The following ZNF287 variants were observed in gnomAD, a reference collection of about 807,000 sequenced individuals.
ZNF287 encodes the protein zinc finger protein 287.
A neutral mutation model predicts 73.7 loss-of-function variants in ZNF287; 31 were observed. That is an observed-to-expected ratio of 0.42 (90% CI 0.32 to 0.57). The LOEUF (loss-of-function observed/expected upper bound fraction) is 0.57, where lower values mean the gene tolerates loss of function less well. ZNF287 is among the 20% of genes least tolerant of loss of function. ZNF287 has a pLI of 0.13. For synonymous variants in ZNF287, 301 were observed against 307.2 expected, an observed-to-expected ratio of 0.98 and a Z score of 0.21; for missense variants, 641 against 909.3, an observed-to-expected ratio of 0.70 and a Z score of 3.79.
intron 5 of ZNF287, among the ~76,000 whole-genome samples, chr17:16,561,094 T>A (rs1156990507): frequency 6.6e-6 from 1 of 151,992 alleles, no homozygotes; most frequent in Non-Finnish European, 1.5e-5. Flanking sequence ...GGCGGGTGGA[T>A]CACCTGAGGT....
intron 5 of ZNF287, chr17:16,557,877 T>C (rs973771255): frequency 5.9e-5 from 9 of 152,204 alleles, no homozygotes; most frequent in African/African-American, 1.9e-4. Flanking sequence ...AAAGGAACTG[T>C]CTTTCTCAGT....
At chr17:16,557,327 G>A (rs1163925904) in intron 5 of ZNF287, among the ~76,000 whole-genome samples, 1 of 152,102 alleles carries the variant, frequency 6.6e-6, no homozygotes, top group Non-Finnish European at 1.5e-5. Flanking sequence ...GTTGACTCAG[G>A]TAATCAAGGA....
chr17:16,552,370 G>A lies in ZNF287; in HGVS notation c.1772C>T (p.Ser591Phe). The A allele has an allele frequency of 6.2e-7, 1 of 1,614,052 alleles. No homozygotes were observed. The highest frequency in any genetic ancestry group is 1.7e-5 in the Admixed American group (1 of 60,024). The change falls in exon 6 of 6, where the codon TCC (serine) becomes TTC (phenylalanine). Residue 591 changes from serine (S) to phenylalanine (F), a missense_variant. Physicochemically the swap from Ser to Phe is radical, Grantham distance 155 (BLOSUM62 -2). Transcript: ENST00000395825. This position sits in a 1 kb window ranked among gnomAD's most constrained non-coding sequence, Gnocchi z 6.5. Reference sequence around the variant, plus strand: ...TTTCCCACATATATTACATATATAGGATTTCTCTCCAGTGTGAGTGGTTTG... The same window carrying A: ...TTTCCCACATATATTACATATATAGAATTTCTCTCCAGTGTGAGTGGTTTG... The part of the protein sequence containing the change: ...QHQTTHTGEK[S>F]YICNICGKAF...
chr17:16,568,663 G>A (rs1907894912), intron 1 of ZNF287: 3 of 152,376 alleles, frequency 2.0e-5, no homozygotes, highest in Admixed American at 2.0e-4. Context: ...AAAGACAACT[G>A]TTTACAAGGC....
At chr17:16,557,730 G>A (rs562715284) in intron 5 of ZNF287, among the ~76,000 whole-genome samples, 27 of 152,222 alleles carry the variant, frequency 1.8e-4, no homozygotes, top group African/African-American at 6.5e-4. Flanking sequence ...GGGACTCTGG[G>A]GCTAGAAGAC....
rs928437930 is a variant in ZNF287 at position 16,564,374 on chromosome 17, A to AT, written c.502-550dup. Among the ~76,000 whole-genome samples, 36 of 151,270 alleles carry AT rather than the reference A, an allele frequency of 2.4e-4. 1 individual carries two copies. The highest frequency in any genetic ancestry group is 7.8e-4 in the African/African-American group (32 of 41,240). ...CACCACCACATCTGGCTAATTTTTA[A>AT]TTTTTTTTTGTAGAGATGGGGTTTT... On this transcript the variant is annotated intron_variant, in intron 3 of 5. Coordinates refer to ENST00000395825, the MANE Select transcript of ZNF287 (RefSeq NM_020653.4).
rs1906723859 is a variant in ZNF287 at position 16,552,278 on chromosome 17, A to G, written c.1864T>C (p.Cys622Arg). ...RTHTGEKPYKCSVCGKAFSQS... is the reference protein window; with the variant it reads ...RTHTGEKPYKRSVCGKAFSQS... The stretch of plus-strand genomic sequence containing the variant: ...CTGAATGCTTTCCCACACACACTGC[A>G]TTTATATGGTTTCTCTCCAGTATGT... The change falls in exon 6 of 6, where the codon TGC becomes CGC. Residue 622 changes from cysteine to arginine, a missense_variant. Coordinates refer to ENST00000395825, the MANE Select transcript of ZNF287 (RefSeq NM_020653.4). This position sits in a 1 kb window ranked among gnomAD's most constrained non-coding sequence, Gnocchi z 6.5. The G allele has an allele frequency of 2.5e-6, 4 of 1,614,010 alleles. No individual in the cohort carries two copies. The highest frequency in any genetic ancestry group is 1.7e-6 in the Non-Finnish European group (2 of 1,179,994).
intron 3 of ZNF287, 147 bp downstream of exon 3, chr17:16,566,378 T>C (rs1206028790): frequency 1.7e-6 from 1 of 580,654 alleles, no homozygotes; most frequent in East Asian, 3.0e-5. Context: ...TTCACCTACC[T>C]TAACAGACCA....
chr17:16,565,728 T>C (rs1408796783), intron 3 of ZNF287, among the ~76,000 whole-genome samples: 1 of 152,178 alleles, frequency 6.6e-6, no homozygotes, highest in African/African-American at 2.4e-5. Flanking sequence ...GGCTCACACA[T>C]GTAATCCCAG....
rs1031540399 is a variant in ZNF287 at position 16,549,922 on chromosome 17, C to T, written c.*1934G>A. ...TTTTTCGTTATACCAATTTTCACTC[C>T]ATGCCAGTCAATTCTACTTTATTAC... On this transcript the variant is annotated 3_prime_UTR_variant, in exon 6 of 6. Transcript: ENST00000395825. 1.3e-5 allele frequency among the ~76,000 whole-genome samples: 2 copies of T among 152,120 alleles called. No homozygotes were observed. Among genetic ancestry groups the T allele is most frequent in the African/African-American group, 4.8e-5 (2 of 41,428 alleles).
chr17:16,561,741 A>G (rs1400869993), intron 5 of ZNF287, among the ~76,000 whole-genome samples: 1 of 152,178 alleles, frequency 6.6e-6, no homozygotes, highest in African/African-American at 2.4e-5. Flanking sequence ...AAAAGAAAAA[A>G]GGCTGGGCAA....
rs1907540628 is a variant in ZNF287 at position 16,563,080 on chromosome 17, T to C, written c.715+66A>G. ...GTGACCTGGTCATATTTAAAATGCA[T>C]TTCTCACCACATTTAGGATATAGAT... On this transcript the variant is annotated intron_variant, in intron 5 of 5. Coordinates refer to ENST00000395825, the MANE Select transcript of ZNF287 (RefSeq NM_020653.4). 3 of 1,294,642 alleles carry C rather than the reference T, an allele frequency of 2.3e-6. No homozygotes were observed. In the South Asian group the frequency reaches 3.8e-5, roughly 16 times the overall value. 80.2% of individuals were successfully genotyped at this position (1,294,642 alleles called of 1,614,324 possible).
At chr17:16,566,741 A>G in intron 2 of ZNF287, 119 bp from the exon 3 acceptor site, 1 of 622,070 alleles carries the variant, frequency 1.6e-6, no homozygotes, top group South Asian at 2.8e-5. Flanking sequence ...AATCAAAAAC[A>G]GCACTCCTAC....
intron 5 of ZNF287, among the ~76,000 whole-genome samples, chr17:16,554,325 C>T (rs1439065550): frequency 6.6e-6 from 1 of 151,982 alleles, no homozygotes; most frequent in Non-Finnish European, 1.5e-5. Context: ...AGGCAGGAAC[C>T]ACCATGCCCA....
Position 16,548,087 on chromosome 17 carries a change from A to G in ZNF287, c.*3769T>C, listed in dbSNP as rs1380146839. Reference sequence around the variant, plus strand: ...ACAAGTGTAGAGTGATAGAATTAGAAAATTGTCATTTTGCAAACATTGATG... The same window carrying G: ...ACAAGTGTAGAGTGATAGAATTAGAGAATTGTCATTTTGCAAACATTGATG... On this transcript the variant is annotated 3_prime_UTR_variant, in exon 6 of 6. Transcript: ENST00000395825. 6.6e-6 allele frequency among the ~76,000 whole-genome samples: 1 copy of G among 152,218 alleles called. No individual in the cohort carries two copies. Among genetic ancestry groups the G allele is most frequent in the Non-Finnish European group, 1.5e-5 (1 of 68,044 alleles).
At chr17:16,566,045 T>A (rs1183780196) in intron 3 of ZNF287, among the ~76,000 whole-genome samples, 1 of 152,192 alleles carries the variant, frequency 6.6e-6, no homozygotes, top group Non-Finnish European at 1.5e-5. Context: ...GGCCTTTAAC[T>A]ACTTGTTAAT....
At position 16,563,732 on chromosome 17, in the gene ZNF287, T is replaced by C; in HGVS notation, c.595A>G (p.Thr199Ala). The stretch of plus-strand genomic sequence containing the variant: ...ACCATGTTCCAATAGTTCTGTAACG[T>C]CACAGTCTTGTATAATTCCTTCTGC... ...PVQKELYKTV[T>A]LQNYWNMVSL... Residue 199 changes from threonine to alanine, a missense_variant, in exon 4 of 6, where the codon ACG becomes GCG. Physicochemically the swap from Thr to Ala is moderately conservative, Grantham distance 58 (BLOSUM62 0). Coordinates refer to ENST00000395825, the MANE Select transcript of ZNF287 (RefSeq NM_020653.4). 1 of 1,613,860 alleles carries C rather than the reference T, an allele frequency of 6.2e-7. No individual in the cohort carries two copies. The highest frequency in any genetic ancestry group is 8.5e-7 in the Non-Finnish European group (1 of 1,179,816).
Position 16,552,076 on chromosome 17 carries a change from G to A in ZNF287, c.2066C>T (p.Ser689Leu). ...NECGKAFIYS[S>L]SLNQHQRTHT... Reference sequence around the variant, plus strand: ...AGTTCTCTGATGTTGATTAAGTGATGAGGAATAAATGAAAGCTTTCCCACA... The same window carrying A: ...AGTTCTCTGATGTTGATTAAGTGATAAGGAATAAATGAAAGCTTTCCCACA... Residue 689 changes from serine to leucine, a missense_variant, in exon 6 of 6, where the codon TCA becomes TTA. Physicochemically the swap from Ser to Leu is moderately radical, Grantham distance 145. Transcript: ENST00000395825. This position sits in a 1 kb window ranked among gnomAD's most constrained non-coding sequence, Gnocchi z 6.5. The A allele has an allele frequency of 1.9e-6, 3 of 1,614,068 alleles. No homozygotes were observed. Among genetic ancestry groups the A allele is most frequent in the Non-Finnish European group, 1.7e-6 (2 of 1,179,960 alleles).
rs763368295 is a variant in ZNF287, at chr17:16,567,771, T to C, written c.-40A>G. ...GAGTCAATCTGGCAATATCCTTTAT[T>C]TCTCCAGTAGTGAGCCAACTGCTTG... On this transcript the variant is annotated 5_prime_UTR_variant, in exon 2 of 6. Transcript: ENST00000395825. 1 of 1,565,576 alleles carries C rather than the reference T, an allele frequency of 6.4e-7. No individual in the cohort carries two copies. Among genetic ancestry groups the C allele is most frequent in the Non-Finnish European group, 8.6e-7 (1 of 1,158,172 alleles).
Sources: allele counts gnomAD v4.1 joint callset (sites outside exome capture counted in the v4.1 genomes callset), GRCh38; gene constraint gnomAD v4.1.1; non-coding constraint Gnocchi (gnomAD v3.1); transcripts MANE v1.5; gene names NCBI Gene and HGNC (gene_info 2026-07-23, HGNC 2026-07-21).